AKR1C4: variants seen among roughly 807,000 people sequenced by gnomAD.
AKR1C4 encodes aldo-keto reductase family 1 member C4, also known as 3-alpha-HSD1.
A neutral mutation model predicts 41.0 loss-of-function variants in AKR1C4; 44 were observed. That is an observed-to-expected ratio of 1.07 (90% CI 0.84 to 1.38). AKR1C4 has a LOEUF of 1.38. Ranked by LOEUF, AKR1C4 falls within the 40% of genes most tolerant of loss-of-function variation. The probability of loss-of-function intolerance (pLI) is 0.00; values close to 1 mark genes in which losing one functional copy is unlikely to be tolerated. For missense variants in AKR1C4, 438 were observed against 387.9 expected (o/e 1.13, Z -1.09); for synonymous variants, 165 against 137.7 (o/e 1.20, Z -1.39).
At position 5,196,912 on chromosome 10, in the gene AKR1C4, C is replaced by T. The variant is rs782805534; in HGVS notation, c.45C>T (p.Phe15=). 2 of 1,614,086 alleles carry T rather than the reference C, an allele frequency of 1.2e-6. No homozygotes were observed. The highest frequency in any genetic ancestry group is 1.7e-6 in the Non-Finnish European group (2 of 1,179,952). The stretch of plus-strand genomic sequence containing the variant: ...GTGTAGAGCTAAATGATGGTCACTT[C>T]ATGCCCGTATTGGGATTTGGCACCT... ...YQRVELNDGH[F]MPVLGFGTYA... is the part of the protein sequence containing the mutation. The change falls in exon 1 of 9, where the codon TTC becomes TTT. Residue 15 remains phenylalanine, a synonymous_variant. Transcript: ENST00000263126.
chr10:5,197,925 T>C (rs192296268), intron 1 of AKR1C4, among the ~76,000 whole-genome samples: 3 of 152,218 alleles, frequency 2.0e-5, no homozygotes, highest in South Asian at 2.1e-4. Flanking sequence ...AGGATCAGGG[T>C]TGGCATCAGG....
chr10:5,209,730 T>C (rs1292610945), intron 5 of AKR1C4, among the ~76,000 whole-genome samples: 1 of 152,188 alleles, frequency 6.6e-6, no homozygotes, highest in Non-Finnish European at 1.5e-5. Context: ...ACTTATTCAC[T>C]ATCTCAAGGA....
rs1554798548 is a variant in AKR1C4, at chr10:5,216,734, A to G, written c.870A>G (p.Ser290=). The G allele has an allele frequency of 6.2e-7, 1 of 1,612,036 alleles. No homozygotes were observed. The highest frequency in any genetic ancestry group is 8.5e-7 in the Non-Finnish European group (1 of 1,178,700). ...NIQVFEFQLT[S]EDMKVLDGLN... ...AGGTTTTTGAATTCCAGTTGACATC[A>G]GAGGATATGAAAGTTCTAGATGGTC... Residue 290 remains serine (S), a synonymous_variant, in exon 8 of 9, where the codon TCA becomes TCG. Transcript: ENST00000263126.
At chr10:5,197,077 G>A in intron 1 of AKR1C4, 126 bp downstream of exon 1, 1 of 867,964 alleles carries the variant, frequency 1.2e-6, no homozygotes. Flanking sequence ...GTCTTACTGG[G>A]CTAGAGCTAT....
intron 2 of AKR1C4, among the ~76,000 whole-genome samples, chr10:5,203,086 G>C (rs2132127041): frequency 6.6e-6 from 1 of 151,860 alleles, no homozygotes; most frequent in Non-Finnish European, 1.5e-5. Flanking sequence ...AGTAGGATTG[G>C]TACCAGTTCT....
Position 5,213,161 on chromosome 10 carries a change from TGA to T in AKR1C4, c.846+4_846+5del. 1 of 1,613,044 alleles carries T rather than the reference TGA, an allele frequency of 6.2e-7. No homozygotes were observed. Among genetic ancestry groups the T allele is most frequent in the Non-Finnish European group, 8.5e-7 (1 of 1,179,942 alleles). On this transcript the variant is annotated splice_donor_region_variant and intron_variant, in intron 7 of 8. Coordinates refer to ENST00000263126, the MANE Select transcript of AKR1C4 (RefSeq NM_001818.5). ...CAGCGGATCAGAGAGAACATCCAGGTGAGGAGTTGGGTGGGCATCAGGGCTCC... is the reference window on the plus strand; with the variant it reads ...CAGCGGATCAGAGAGAACATCCAGGTGGAGTTGGGTGGGCATCAGGGCTCC...
At chr10:5,206,993 G>A (rs1393716797) in intron 5 of AKR1C4, among the ~76,000 whole-genome samples, 13 of 152,146 alleles carry the variant, frequency 8.5e-5, no homozygotes, top group African/African-American at 1.2e-4. Context: ...TAAGCTGAAA[G>A]GATGTGGCGT....
intron 2 of AKR1C4, among the ~76,000 whole-genome samples, chr10:5,203,845 T>C (rs938750700): frequency 3.3e-5 from 5 of 152,346 alleles, no homozygotes; most frequent in African/African-American, 1.2e-4. Context: ...ATTTTAGTTT[T>C]TCTTATGTCT....
chr10:5,199,444 C>T (rs1832362210), intron 1 of AKR1C4, among the ~76,000 whole-genome samples: 1 of 152,172 alleles, frequency 6.6e-6, no homozygotes, highest in Non-Finnish European at 1.5e-5. Context: ...CCAAAAGTTG[C>T]ATTTCCCAAG....
intron 6 of AKR1C4, 59 bp downstream of exon 6, chr10:5,212,784 T>C (rs112639430): frequency 1.3e-6 from 2 of 1,550,170 alleles, no homozygotes; most frequent in African/African-American, 1.4e-5. Flanking sequence ...ATTTTAGTTA[T>C]AGCATACTCA....
At chr10:5,211,161 G>A (rs1832570289) in intron 5 of AKR1C4, among the ~76,000 whole-genome samples, 2 of 152,162 alleles carry the variant, frequency 1.3e-5, no homozygotes, top group South Asian at 4.1e-4. Flanking sequence ...TGATGAGAAG[G>A]GCTGACACAA....
chr10:5,210,263 C>G (rs1554797798), intron 5 of AKR1C4, among the ~76,000 whole-genome samples: 1 of 152,168 alleles, frequency 6.6e-6, no homozygotes. Context: ...AGAGGTGGTT[C>G]CTATGTTCTT....
In AKR1C4 at chr10:5,196,860, G is replaced by C; in HGVS notation, c.-8G>C. 3 of 1,613,954 alleles carry C rather than the reference G, an allele frequency of 1.9e-6. No homozygotes were observed. The highest frequency in any genetic ancestry group is 2.5e-6 in the Non-Finnish European group (3 of 1,179,838). Reference sequence around the variant, plus strand: ...ACAGGATCTGCTTAGTGAAAGAAGTGGCAAGCAATGGATCCCAAATATCAG... The same window carrying C: ...ACAGGATCTGCTTAGTGAAAGAAGTCGCAAGCAATGGATCCCAAATATCAG... On this transcript the variant is annotated 5_prime_UTR_variant, in exon 1 of 9. Coordinates refer to ENST00000263126, the MANE Select transcript of AKR1C4 (RefSeq NM_001818.5).
In AKR1C4 at chr10:5,218,760, G is replaced by A. The variant is rs782150958; in HGVS notation, c.972G>A (p.Ter324=). 6.2e-7 allele frequency: 1 copy of A among 1,604,430 alleles called. No homozygotes were observed. Among genetic ancestry groups the A allele is most frequent in the Admixed American group, 1.7e-5 (1 of 59,976 alleles). ...ATTATCCATTTTCAGATGAATATTAGCATAGAGGGTGTTGCACGACATCTA... is the reference window on the plus strand; with the variant it reads ...ATTATCCATTTTCAGATGAATATTAACATAGAGGGTGTTGCACGACATCTA... ...HPDYPFSDEY[*] is the part of the protein sequence containing the mutation. The change falls in exon 9 of 9, where the codon TAG becomes TAA. Residue 324 remains the stop codon, a stop_retained_variant. Coordinates refer to ENST00000263126, the MANE Select transcript of AKR1C4 (RefSeq NM_001818.5).
intron 7 of AKR1C4, among the ~76,000 whole-genome samples, chr10:5,215,266 T>C (rs1832638478): frequency 6.6e-6 from 1 of 152,196 alleles, no homozygotes; most frequent in South Asian, 2.1e-4. Context: ...CATGTTAAAA[T>C]GTGATCCCCA....
chr10:5,198,585 G>A (rs1474142027), intron 1 of AKR1C4, among the ~76,000 whole-genome samples: 18 of 152,174 alleles, frequency 1.2e-4, no homozygotes, highest in African/African-American at 4.1e-4. Flanking sequence ...TTGCCAAAAT[G>A]TGATGCTGGA....
intron 2 of AKR1C4, 98 bp downstream of exon 2, chr10:5,200,446 GC>G: frequency 6.7e-7 from 1 of 1,496,124 alleles, no homozygotes; most frequent in Non-Finnish European, 8.9e-7. Context: ...GGTGAATTGT[GC>G]TTATTAGTTC....
Position 5,204,647 on chromosome 10 carries a change from A to G in AKR1C4, c.369+154A>G. 5 of 768,396 alleles carry G rather than the reference A, an allele frequency of 6.5e-6. No homozygotes were observed. The South Asian group carries it at 6.8e-5, about 10-fold the overall frequency. The allele number at this position is 768,396 out of a possible 1,614,324, so 47.6% of individuals were successfully genotyped here. On this transcript the variant is annotated intron_variant, in intron 3 of 8. Transcript: ENST00000263126. ...CTAAGCCATTTTCTTGAAGAGTACA[A>G]CCTTCCTTCTGTAACGTATGATGAC...
Position 5,213,097 on chromosome 10 carries a change from C to A in AKR1C4, c.784C>A (p.Gln262Lys). 1.2e-6 allele frequency: 2 copies of A among 1,614,184 alleles called. No individual in the cohort carries two copies. Among genetic ancestry groups the A allele is most frequent in the Non-Finnish European group, 8.5e-7 (1 of 1,180,032 alleles). ...PALIALRYQL[Q>K]RGVVVLAKSY... ...CCTGATTGCCCTGCGCTACCAGCTG[C>A]AGCGTGGGGTTGTGGTCCTGGCCAA... The change falls in exon 7 of 9, where the codon CAG becomes AAG. Residue 262 changes from glutamine (Q) to lysine (K), a missense_variant. Coordinates refer to ENST00000263126, the MANE Select transcript of AKR1C4 (RefSeq NM_001818.5).
Sources: allele counts gnomAD v4.1 joint callset (sites outside exome capture counted in the v4.1 genomes callset), GRCh38; gene constraint gnomAD v4.1.1; transcripts MANE v1.5; gene names NCBI Gene and HGNC (gene_info 2026-07-23, HGNC 2026-07-21).